NDRG2: variants seen among roughly 807,000 people sequenced by gnomAD.
The protein encoded by NDRG2 is protein NDRG2.
NDRG2 carries 34 observed loss-of-function variants against 58.2 expected under a neutral mutation model. That is an observed-to-expected ratio of 0.58 (90% confidence interval 0.44 to 0.78). The LOEUF is 0.78. Ranked by LOEUF, NDRG2 falls within the 30% of genes least tolerant of loss-of-function variation. The pLI is 0.00. For missense variants in NDRG2, 434 were observed against 471.2 expected (o/e 0.92, Z 0.73); for synonymous variants, 187 against 175.9 (o/e 1.06, Z -0.50).
At position 21,054,122 on chromosome 14, in the gene NDRG2, G is replaced by A. The variant is rs141079774; in HGVS notation, c.24+16706C>T. Among the ~76,000 whole-genome samples the A allele has an allele frequency of 4.2e-3, 644 of 152,214 alleles. 4 individuals are homozygous for A. Among genetic ancestry groups the A allele is most frequent in the African/African-American group, 0.014 (580 of 41,534 alleles). ...CTGAAATGAAACAAAGCTGCAGCACGGCCTGACACAGTGTACAGAGTGTAA... is the reference window on the plus strand; with the variant it reads ...CTGAAATGAAACAAAGCTGCAGCACAGCCTGACACAGTGTACAGAGTGTAA... On this transcript the variant is annotated intron_variant, in intron 1 of 14. Coordinates refer to the NDRG2 transcript ENST00000403829.
chr14:21,023,456 C>A, intron 1 of NDRG2, 135 bp from the exon 2 acceptor site: 1 of 708,578 alleles, frequency 1.4e-6, no homozygotes, highest in Non-Finnish European at 2.4e-6. Context: ...CTCTAGAACA[C>A]ACAGAGGGCC....
At chr14:21,033,721 C>G in intron 1 of NDRG2, 1 of 903,340 alleles carries the variant, frequency 1.1e-6, no homozygotes, top group South Asian at 1.3e-5. Flanking sequence ...CCCTGCCTGC[C>G]TCGTAAGTCA....
At chr14:21,031,188 T>C (rs1884092625) in intron 1 of NDRG2, 1 of 1,609,358 alleles carries the variant, frequency 6.2e-7, no homozygotes, top group East Asian at 2.2e-5. Context: ...CTTCATCCCC[T>C]TGACCCTACT....
intron 1 of NDRG2, chr14:21,048,313 G>A (rs750483745): frequency 5.3e-5 from 8 of 152,160 alleles, no homozygotes; most frequent in Non-Finnish European, 1.0e-4. Flanking sequence ...GGAGCCACAG[G>A]GACATGAGAA....
intron 1 of NDRG2, among the ~76,000 whole-genome samples, chr14:21,038,292 A>G (rs1311055291): frequency 1.3e-5 from 2 of 152,260 alleles, no homozygotes; most frequent in Non-Finnish European, 2.9e-5. Context: ...GCAAGGCATT[A>G]TGCTATATAC....
chr14:21,018,680 AT>A (rs1878291381), intron 12 of NDRG2, 82 bp downstream of exon 12: 3 of 1,602,408 alleles, frequency 1.9e-6, no homozygotes, highest in Non-Finnish European at 2.6e-6. Context: ...CAAACAGGAC[AT>A]CCCCTTGGCA....
intron 1 of NDRG2, chr14:21,033,762 G>T: frequency 8.6e-7 from 1 of 1,156,982 alleles, no homozygotes; most frequent in Non-Finnish European, 1.3e-6. Flanking sequence ...GGATCAGAGT[G>T]TTGGAAATGG....
chr14:21,029,931 C>A (rs1318215398), upstream of NDRG2, among the ~76,000 whole-genome samples: 7 of 152,136 alleles, frequency 4.6e-5, no homozygotes, highest in Non-Finnish European at 7.3e-5. Flanking sequence ...TCTAGCAGCC[C>A]AAACAGACTA....
intron 1 of NDRG2, among the ~76,000 whole-genome samples, chr14:21,045,915 T>C (rs1306309078): frequency 6.6e-6 from 1 of 152,206 alleles, no homozygotes; most frequent in East Asian, 1.9e-4. Flanking sequence ...CTGGATATGT[T>C]TCCTATGTGA....
At chr14:21,066,732 T>C (rs1413247697) in intron 1 of NDRG2, among the ~76,000 whole-genome samples, 1 of 152,236 alleles carries the variant, frequency 6.6e-6, no homozygotes, top group Non-Finnish European at 1.5e-5. Flanking sequence ...GAAACTAATG[T>C]GCTAGCACAG....
intron 1 of NDRG2, among the ~76,000 whole-genome samples, chr14:21,037,782 G>GA (rs1884715172): frequency 1.3e-5 from 2 of 152,320 alleles, no homozygotes; most frequent in Non-Finnish European, 2.9e-5. Context: ...GATTCTACCA[G>GA]AAAAATGTGT....
At chr14:21,069,766 T>C (rs1566516520) in intron 1 of NDRG2, among the ~76,000 whole-genome samples, 2 of 152,078 alleles carry the variant, frequency 1.3e-5, no homozygotes, top group Non-Finnish European at 2.9e-5. Context: ...CTCCGCTCTC[T>C]GCTAGGCAGG....
At chr14:21,031,177 C>T (rs911427249) in intron 1 of NDRG2, 1 of 1,611,930 alleles carries the variant, frequency 6.2e-7, no homozygotes, top group Non-Finnish European at 8.5e-7. Context: ...TGAGTGACAG[C>T]CTTCATCCCC....
At chr14:21,022,284 G>C in intron 4 of NDRG2, 102 bp from the exon 5 acceptor site, 1 of 1,577,904 alleles carries the variant, frequency 6.3e-7, no homozygotes, top group Non-Finnish European at 8.7e-7. Context: ...GACCAGGAGA[G>C]AACTTCTCCT....
intron 1 of NDRG2, among the ~76,000 whole-genome samples, chr14:21,040,692 A>G (rs141321554): frequency 4.1e-3 from 626 of 152,186 alleles, no homozygotes; most frequent in Non-Finnish European, 6.9e-3. Flanking sequence ...TGTTCCTCCA[A>G]CACCTCAGGC....
At chr14:21,030,715 T>C, upstream of NDRG2, 1 of 1,614,144 alleles carries the variant, frequency 6.2e-7, no homozygotes, top group Non-Finnish European at 8.5e-7. Flanking sequence ...GGCAAGACAG[T>C]CACCTCCACG....
intron 1 of NDRG2, among the ~76,000 whole-genome samples, chr14:21,068,618 G>A (rs1015977003): frequency 1.3e-5 from 2 of 152,092 alleles, no homozygotes; most frequent in Admixed American, 1.3e-4. Flanking sequence ...TGGACACCAG[G>A]GGGTAGCAAA....
In NDRG2 at chr14:21,054,386, ATAG is replaced by A. The variant is rs141452958; in HGVS notation, c.24+16439_24+16441del. On this transcript the variant is annotated intron_variant, in intron 1 of 14. Transcript: ENST00000403829. ...CACTGCTGAGTTCAGTGTCAAGAAC[ATAG>A]TAGACATTAGAGATGGCATTCAGTC... 2.3e-4 allele frequency among the ~76,000 whole-genome samples: 35 copies of A among 152,306 alleles called. No homozygotes were observed. In the East Asian group the frequency reaches 6.7e-3, roughly 29 times the overall value.
In NDRG2 at chr14:21,070,165, G is replaced by C. The variant is rs914947712; in HGVS notation, c.24+663C>G. 4.2e-6 allele frequency: 1 copy of C among 235,514 alleles called. No homozygotes were observed. The allele number at this position is 235,514 out of a possible 1,614,324, so 14.6% of individuals were successfully genotyped here. A position where few individuals can be genotyped will look rare whatever the true frequency, so the allele number is the denominator to read the frequency against. ...CGCGGGAGACAGAGTCCCGGCAAGG[G>C]GTCCCGCGCGGAGGCGGGGGCGGGC... is the stretch of plus-strand genomic sequence containing the variant. On this transcript the variant is annotated intron_variant, in intron 1 of 14. Coordinates refer to the NDRG2 transcript ENST00000403829. The surrounding 1 kb of genome is among the most constrained non-coding windows in gnomAD (Gnocchi z 4.7).
Sources: allele counts gnomAD v4.1 joint callset (sites outside exome capture counted in the v4.1 genomes callset), GRCh38; gene constraint gnomAD v4.1.1; non-coding constraint Gnocchi (gnomAD v3.1); transcripts MANE v1.5; gene names NCBI Gene and HGNC (gene_info 2026-07-23, HGNC 2026-07-21).